The following ATAD1 variants were observed in gnomAD, a reference collection of about 807,000 sequenced individuals.
The protein encoded by ATAD1 is ATPase family AAA domain containing 1, also known as outer mitochondrial transmembrane helix translocase.
Under a neutral mutation model 42.7 loss-of-function variants are expected in ATAD1, and 18 were observed. The ratio of observed to expected loss-of-function variants is 0.42; its 90% CI spans 0.29 to 0.63. The LOEUF is 0.63. Among genes scored for constraint, ATAD1 ranks in the 20% least tolerant of loss-of-function variants. The probability of loss-of-function intolerance (pLI) is 0.19; values close to 1 mark genes in which losing one functional copy is unlikely to be tolerated. For synonymous variants in ATAD1, 132 were observed against 143.1 expected (o/e 0.92, Z 0.55); for missense variants, 294 against 440.4 (o/e 0.67, Z 2.98).
In ATAD1 at chr10:87,753,705, A is replaced by G. The variant is rs947128610; in HGVS notation, c.*982T>C. 3.3e-5 allele frequency: 5 copies of G among 152,608 alleles called. No individual in the cohort carries two copies. The highest frequency in any genetic ancestry group is 1.2e-4 in the African/African-American group (5 of 41,460). 9.5% of individuals were successfully genotyped at this position (152,608 alleles called of 1,614,324 possible). Reference sequence around the variant, plus strand: ...ACTTAGTAACAGCTACTTGTTTTAAACTATTATTTCATTTTTGGTGACCAA... The same window carrying G: ...ACTTAGTAACAGCTACTTGTTTTAAGCTATTATTTCATTTTTGGTGACCAA... On this transcript the variant is annotated 3_prime_UTR_variant, in exon 10 of 10. Transcript: ENST00000680024.
At chr10:87,802,784 T>C (rs1260190291) in intron 2 of ATAD1, among the ~76,000 whole-genome samples, 1 of 152,228 alleles carries the variant, frequency 6.6e-6, no homozygotes, top group Non-Finnish European at 1.5e-5. Flanking sequence ...AGAGAAATTA[T>C]GTTTCAAAAA....
chr10:87,792,622 C>CAA, intron 3 of ATAD1, 35 bp downstream of exon 3: 2 of 1,355,212 alleles, frequency 1.5e-6, no homozygotes, highest in South Asian at 1.2e-5. Context: ...ACCCCCACCT[C>CAA]TAAAAAAATC....
intron 8 of ATAD1, among the ~76,000 whole-genome samples, chr10:87,766,146 G>A (rs1854736525): frequency 6.6e-6 from 1 of 152,118 alleles, no homozygotes; most frequent in South Asian, 2.1e-4. Flanking sequence ...AGGAAAAGAG[G>A]CACTCTTTAT....
chr10:87,780,992 A>AC (rs771114510), intron 5 of ATAD1, among the ~76,000 whole-genome samples: 1 of 152,212 alleles, frequency 6.6e-6, no homozygotes, highest in Non-Finnish European at 1.5e-5. Context: ...CTAAATTTGT[A>AC]CCACCATTCA....
chr10:87,830,726 T>A (rs1857813036), intron 1 of ATAD1, among the ~76,000 whole-genome samples: 2 of 152,348 alleles, frequency 1.3e-5, no homozygotes, highest in Admixed American at 1.3e-4. Flanking sequence ...CAATTTATTG[T>A]TAATTCCATT....
chr10:87,755,637 G>A (rs573039791), intron 9 of ATAD1, among the ~76,000 whole-genome samples: 9 of 152,100 alleles, frequency 5.9e-5, no homozygotes, highest in African/African-American at 1.2e-4. Context: ...GGCCAGTAGC[G>A]GTGGCTCACA....
chr10:87,800,683 G>C (rs1365267890), intron 2 of ATAD1, among the ~76,000 whole-genome samples: 1 of 152,064 alleles, frequency 6.6e-6, no homozygotes, highest in East Asian at 1.9e-4. Flanking sequence ...CTGTGCCATT[G>C]AGTTACATGG....
chr10:87,831,051 A>G (rs1857819065), intron 1 of ATAD1, among the ~76,000 whole-genome samples: 1 of 152,204 alleles, frequency 6.6e-6, no homozygotes, highest in African/African-American at 2.4e-5. Context: ...ATGACAGCAC[A>G]TTTCGGGTGA....
At chr10:87,841,075 C>A (rs1382030698) in intron 1 of ATAD1, 1 of 151,672 alleles carries the variant, frequency 6.6e-6, no homozygotes, top group Non-Finnish European at 1.5e-5. Flanking sequence ...CTCTAAGAAA[C>A]TTCAGTGGAA....
intron 2 of ATAD1, among the ~76,000 whole-genome samples, chr10:87,807,128 T>C (rs1856961453): frequency 6.6e-6 from 1 of 152,226 alleles, no homozygotes; most frequent in South Asian, 2.1e-4. Context: ...CTTGTTTATC[T>C]ATCTTTTGTT....
rs117818362 is a variant in ATAD1, at chr10:87,751,763, G to T, written c.*2924C>A. Reference sequence around the variant, plus strand: ...CATTTGAAGCACCCAGTTGGTGCTGGAGTTTCAGCCATGCACTATATATAT... The same window carrying T: ...CATTTGAAGCACCCAGTTGGTGCTGTAGTTTCAGCCATGCACTATATATAT... On this transcript the variant is annotated 3_prime_UTR_variant, in exon 10 of 10. Transcript: ENST00000680024. 4 of 152,144 alleles carry T rather than the reference G, an allele frequency of 2.6e-5. No individual in the cohort carries two copies. The highest frequency in any genetic ancestry group is 6.6e-5 in the Admixed American group (1 of 15,260). The allele number at this position is 152,144 out of a possible 1,614,324, so 9.4% of individuals were successfully genotyped here.
intron 4 of ATAD1, among the ~76,000 whole-genome samples, chr10:87,785,093 T>G (rs1443514661): frequency 6.6e-6 from 1 of 152,208 alleles, no homozygotes; most frequent in Non-Finnish European, 1.5e-5. Flanking sequence ...TTGCTGTTGC[T>G]CACAGATTAA....
intron 5 of ATAD1, among the ~76,000 whole-genome samples, chr10:87,780,037 C>T (rs1171207777): frequency 7.2e-5 from 11 of 152,188 alleles, no homozygotes; most frequent in Admixed American, 6.5e-4. Flanking sequence ...CTGTCAGCAG[C>T]ATTACTCCTA....
At chr10:87,790,515 T>C (rs1856047333) in intron 3 of ATAD1, 85 bp from the exon 4 acceptor site, 3 of 1,344,890 alleles carry the variant, frequency 2.2e-6, no homozygotes, top group Non-Finnish European at 3.0e-6. Context: ...TTACAAATGT[T>C]AATCTGATGA....
rs79430861 is a variant in ATAD1 at position 87,801,045 on chromosome 10, A to G, written c.163-8290T>C. ...ATTAACTGACTCCTTAATAAAGGTTATAAATGCTGTGAAAGGCTTAAGGAA... is the reference window on the plus strand; with the variant it reads ...ATTAACTGACTCCTTAATAAAGGTTGTAAATGCTGTGAAAGGCTTAAGGAA... On this transcript the variant is annotated intron_variant, in intron 2 of 9. Coordinates refer to ENST00000680024, the MANE Select transcript of ATAD1 (RefSeq NM_001321967.2). Among the ~76,000 whole-genome samples, 1,456 of 152,362 alleles carry G rather than the reference A, an allele frequency of 9.6e-3. 33 individuals are homozygous for G. Among genetic ancestry groups the G allele is most frequent in the African/African-American group, 0.033 (1,373 of 41,584 alleles).
intron 6 of ATAD1, among the ~76,000 whole-genome samples, chr10:87,772,899 T>C (rs2131824507): frequency 6.6e-6 from 1 of 152,290 alleles, no homozygotes; most frequent in South Asian, 2.1e-4. Context: ...AGTAATTTTT[T>C]ACTACTTAAG....
chr10:87,837,900 G>C (rs1244112432), intron 1 of ATAD1, among the ~76,000 whole-genome samples: 2 of 152,116 alleles, frequency 1.3e-5, no homozygotes, highest in Non-Finnish European at 2.9e-5. Flanking sequence ...AGGTGCCTGG[G>C]GCACTAGAGA....
Position 87,808,781 on chromosome 10 carries a change from T to C in ATAD1, c.162+5657A>G, listed in dbSNP as rs1012747739. ...GGGATAAATCCAACTGGTCGCATTATATTTTTTCTATATTGCTGAATTTAA... is the reference window on the plus strand; with the variant it reads ...GGGATAAATCCAACTGGTCGCATTACATTTTTTCTATATTGCTGAATTTAA... On this transcript the variant is annotated intron_variant, in intron 2 of 9. Coordinates refer to ENST00000680024, the MANE Select transcript of ATAD1 (RefSeq NM_001321967.2). Among the ~76,000 whole-genome samples, 4 of 152,232 alleles carry C rather than the reference T, an allele frequency of 2.6e-5. No homozygotes were observed. In the East Asian group the frequency reaches 7.7e-4, roughly 29 times the overall value.
chr10:87,818,431 G>A, upstream of ATAD1: 1 of 202,914 alleles, frequency 4.9e-6, no homozygotes, highest in Non-Finnish European at 8.7e-6. Flanking sequence ...AGCAGCACTC[G>A]CTAAGGCTCT....
Sources: gnomAD v4.1 joint callset for allele counts (sites outside exome capture counted in the v4.1 genomes callset) on GRCh38, gnomAD v4.1.1 for gene constraint, MANE v1.5 for transcripts, NCBI Gene and HGNC (gene_info 2026-07-23, HGNC 2026-07-21) for gene names.